SLC2A12: variants seen among roughly 807,000 people sequenced by gnomAD.
SLC2A12 encodes the protein solute carrier family 2, facilitated glucose transporter member 12.
In SLC2A12, 23 loss-of-function variants were observed where a neutral mutation model predicts 41.8. The observed-to-expected ratio is 0.55, with a 90% CI of 0.40 to 0.78. The LOEUF (loss-of-function observed/expected upper bound fraction) is 0.78, where lower values mean the gene tolerates loss of function less well. Among genes scored for constraint, SLC2A12 ranks in the 30% least tolerant of loss-of-function variants. SLC2A12 has a pLI of 0.00. For synonymous variants in SLC2A12, 295 were observed against 285.9 expected, an observed-to-expected ratio of 1.03 and a Z score of -0.32; for missense variants, 654 against 745.6, an observed-to-expected ratio of 0.88 and a Z score of 1.43.
At position 134,002,218 on chromosome 6, in the gene SLC2A12, C is replaced by CAT. The variant is rs200080821; in HGVS notation, c.1568-91_1568-90dup. The CAT allele has an allele frequency of 7.9e-3, 10,518 of 1,338,892 alleles. 145 individuals are homozygous for CAT. The highest frequency in any genetic ancestry group is 0.072 in the Admixed American group (2,848 of 39,558). 82.9% of individuals were successfully genotyped at this position (1,338,892 alleles called of 1,614,324 possible). On this transcript the variant is annotated intron_variant, in intron 3 of 4. Transcript: ENST00000275230. ...CAGCCACTTAGGGCATACATAGCAC[C>CAT]ATATGTATTTTCAAACATGCCAGCA...
intron 2 of SLC2A12, among the ~76,000 whole-genome samples, chr6:134,014,533 A>G (rs1187868634): frequency 6.6e-6 from 1 of 152,248 alleles, no homozygotes; most frequent in Non-Finnish European, 1.5e-5. Context: ...TTCGGAGATC[A>G]TATTTGATGT....
At chr6:134,006,758 T>C (rs952642904) in intron 3 of SLC2A12, 54 bp downstream of exon 3, 22 of 1,605,972 alleles carry the variant, frequency 1.4e-5, no homozygotes, top group Middle Eastern at 1.6e-4. Flanking sequence ...TGTGATTCCC[T>C]AACATTTGTC....
chr6:134,038,431 G>A (rs191820561), intron 1 of SLC2A12, among the ~76,000 whole-genome samples: 9 of 134,030 alleles, frequency 6.7e-5, no homozygotes, highest in East Asian at 2.2e-4. Flanking sequence ...GTGCGATCTC[G>A]GCTCACTGCA....
intron 1 of SLC2A12, among the ~76,000 whole-genome samples, chr6:134,034,097 T>C (rs1238562029): frequency 2.0e-5 from 3 of 152,220 alleles, no homozygotes; most frequent in Non-Finnish European, 4.4e-5. Flanking sequence ...ATTATTTTTA[T>C]ATGAATCATA....
chr6:134,010,697 C>T (rs1399279386), intron 2 of SLC2A12, among the ~76,000 whole-genome samples: 1 of 152,122 alleles, frequency 6.6e-6, no homozygotes, highest in African/African-American at 2.4e-5. Flanking sequence ...GGCTGCCTAT[C>T]AGAACTTGCC....
At chr6:134,022,062 G>A (rs1020920233) in intron 2 of SLC2A12, among the ~76,000 whole-genome samples, 3 of 152,154 alleles carry the variant, frequency 2.0e-5, no homozygotes, top group African/African-American at 7.2e-5. Flanking sequence ...CAAGTAAATC[G>A]TGGCCCTATG....
chr6:134,044,923 C>T (rs754014091), intron 1 of SLC2A12, among the ~76,000 whole-genome samples: 5 of 152,150 alleles, frequency 3.3e-5, no homozygotes, highest in Non-Finnish European at 5.9e-5. Flanking sequence ...AGGCAAGTTT[C>T]ATTGACGGCT....
chr6:134,048,728 A>G (rs1773625772), intron 1 of SLC2A12, among the ~76,000 whole-genome samples: 2 of 152,280 alleles, frequency 1.3e-5, no homozygotes, highest in South Asian at 4.1e-4. Context: ...ATTGTTTTTA[A>G]TATATAGAAA....
At chr6:134,043,620 C>T (rs1482502144) in intron 1 of SLC2A12, among the ~76,000 whole-genome samples, 4 of 151,698 alleles carry the variant, frequency 2.6e-5, no homozygotes, top group Non-Finnish European at 5.9e-5. Flanking sequence ...GGTAAAACCC[C>T]GTCTCTAGTA....
At chr6:134,043,584 A>G (rs902207964) in intron 1 of SLC2A12, among the ~76,000 whole-genome samples, 3 of 151,888 alleles carry the variant, frequency 2.0e-5, no homozygotes, top group African/African-American at 7.3e-5. Context: ...CACCAGGGCA[A>G]GAGATCAAGA....
intron 1 of SLC2A12, among the ~76,000 whole-genome samples, chr6:134,048,379 C>G (rs1159731888): frequency 6.6e-6 from 1 of 152,098 alleles, no homozygotes; most frequent in Non-Finnish European, 1.5e-5. Context: ...GGCGGATCAC[C>G]TGAGGTTAGG....
At chr6:134,009,930 C>A (rs1414984078) in intron 2 of SLC2A12, among the ~76,000 whole-genome samples, 1 of 152,150 alleles carries the variant, frequency 6.6e-6, no homozygotes, top group Admixed American at 6.5e-5. Context: ...AAGGGAAATA[C>A]AAATCTGAAA....
At chr6:134,002,492 A>G (rs1419356215) in intron 3 of SLC2A12, among the ~76,000 whole-genome samples, 1 of 152,214 alleles carries the variant, frequency 6.6e-6, no homozygotes, top group African/African-American at 2.4e-5. Flanking sequence ...TGTAGAAGGT[A>G]AAATCTCTCT....
At chr6:134,049,841 G>A (rs1296645734) in intron 1 of SLC2A12, among the ~76,000 whole-genome samples, 2 of 152,162 alleles carry the variant, frequency 1.3e-5, no homozygotes, top group African/African-American at 4.8e-5. Flanking sequence ...ACCTTAGGGG[G>A]TTGGTTTTGT....
intron 1 of SLC2A12, among the ~76,000 whole-genome samples, chr6:134,035,486 G>A (rs1316654876): frequency 6.6e-6 from 1 of 152,074 alleles, no homozygotes; most frequent in Non-Finnish European, 1.5e-5. Flanking sequence ...TATTACTATT[G>A]ACTCATACCC....
rs1391431422 is a variant in SLC2A12, at chr6:134,032,454, A to ATT, written c.104-2734_104-2733insAA. Among the ~76,000 whole-genome samples, 328 of 37,052 alleles carry ATT rather than the reference A, an allele frequency of 8.9e-3. 14 individuals are homozygous for ATT. The highest frequency in any genetic ancestry group is 0.035 in the African/African-American group (299 of 8,656). 24.3% of individuals were successfully genotyped at this position (37,052 alleles called of 152,430 possible). A position where few individuals can be genotyped will look rare whatever the true frequency, so the allele number is the denominator to read the frequency against. On this transcript the variant is annotated intron_variant, in intron 1 of 4. Transcript: ENST00000275230. ...TATATATATATATATATATAAATAT[A>ATT]TATATATATATTTTTATATATATAT... is the stretch of plus-strand genomic sequence containing the variant.
intron 3 of SLC2A12, among the ~76,000 whole-genome samples, chr6:134,006,328 T>TG (rs1776816618): frequency 6.6e-6 from 1 of 151,886 alleles, no homozygotes; most frequent in African/African-American, 2.4e-5. Context: ...TAAGGTATAG[T>TG]GGGGGTGAGG....
chr6:134,026,371 A>C (rs1370389715), intron 2 of SLC2A12, among the ~76,000 whole-genome samples: 2 of 152,190 alleles, frequency 1.3e-5, no homozygotes, highest in African/African-American at 4.8e-5. Context: ...TTCACACCCA[A>C]ATCTAAGGTG....
At chr6:134,017,711 A>G (rs376490630) in intron 2 of SLC2A12, among the ~76,000 whole-genome samples, 13 of 151,972 alleles carry the variant, frequency 8.6e-5, no homozygotes, top group African/African-American at 2.4e-4. Flanking sequence ...AAAATTAGCC[A>G]GGCGTGGTGG....
Sources: gnomAD v4.1 joint callset for allele counts (sites outside exome capture counted in the v4.1 genomes callset) on GRCh38, gnomAD v4.1.1 for gene constraint, MANE v1.5 for transcripts, NCBI Gene and HGNC (gene_info 2026-07-23, HGNC 2026-07-21) for gene names.